The following CPS1 variants were observed in gnomAD, a reference collection of about 807,000 sequenced individuals.
The protein encoded by CPS1 is carbamoyl-phosphate synthase 1.
A neutral mutation model predicts 174.6 loss-of-function variants in CPS1; 109 were observed. The ratio of observed to expected loss-of-function variants is 0.62; its 90% CI spans 0.53 to 0.73. CPS1 has a LOEUF of 0.73. Among genes scored for constraint, CPS1 ranks in the 30% least tolerant of loss-of-function variants. CPS1 has a pLI of 0.00. For missense variants in CPS1, 1,689 were observed against 1,821.9 expected, an observed-to-expected ratio of 0.93 and a Z score of 1.33; for synonymous variants, 637 against 632.0, an observed-to-expected ratio of 1.01 and a Z score of -0.12.
rs143331350 is a variant in CPS1, at chr2:210,594,067, C to A, written c.1165-441C>A. On this transcript the variant is annotated intron_variant, in intron 11 of 37. Transcript: ENST00000233072. Reference sequence around the variant, plus strand: ...ATCTAGTGAAACAACAGAAGTAAATCCTTTGGCAAAGATTAAGAATAATCT... The same window carrying A: ...ATCTAGTGAAACAACAGAAGTAAATACTTTGGCAAAGATTAAGAATAATCT... Among the ~76,000 whole-genome samples, 51 of 151,630 alleles carry A rather than the reference C, an allele frequency of 3.4e-4. No homozygotes were observed. In the East Asian group the frequency reaches 8.4e-3, roughly 25 times the overall value.
At chr2:210,635,993 G>A (rs1700032563) in intron 21 of CPS1, among the ~76,000 whole-genome samples, 1 of 152,144 alleles carries the variant, frequency 6.6e-6, no homozygotes, top group Non-Finnish European at 1.5e-5. Context: ...AATTAAAGCA[G>A]ATTCATGATT....
intron 4 of CPS1, 61 bp downstream of exon 4, chr2:210,577,571 T>A: frequency 2.5e-6 from 3 of 1,205,744 alleles, no homozygotes; most frequent in Non-Finnish European, 3.7e-6. Context: ...TGCCTGTAGA[T>A]TCAGAAGTGC....
chr2:210,555,022 C>T (rs144672741), upstream of CPS1, among the ~76,000 whole-genome samples: 497 of 152,000 alleles, frequency 3.3e-3, 2 homozygotes, highest in Non-Finnish European at 6.1e-3. Context: ...ACACAAATTT[C>T]GCCTTTATTT....
intron 1 of CPS1, among the ~76,000 whole-genome samples, chr2:210,572,561 C>T (rs1697536740): frequency 6.6e-6 from 1 of 151,918 alleles, no homozygotes; most frequent in Non-Finnish European, 1.5e-5. Context: ...CTCTTCTTAG[C>T]TAAGAATTTG....
chr2:210,674,836 A>G (rs1345465526), intron 34 of CPS1, 66 bp from the exon 35 acceptor site: 1 of 1,230,318 alleles, frequency 8.1e-7, no homozygotes, highest in Non-Finnish European at 1.2e-6. Context: ...TTGTAAGGAA[A>G]TACCATATTG....
intron 4 of CPS1, 52 bp downstream of exon 4, chr2:210,577,562 G>A: frequency 7.5e-7 from 1 of 1,341,726 alleles, no homozygotes; most frequent in Non-Finnish European, 1.1e-6. Context: ...TTGAGAAGGT[G>A]CCTGTAGATT....
At chr2:210,502,483 AAG>A (rs199533346) in intron 1 of CPS1, among the ~76,000 whole-genome samples, 24 of 147,042 alleles carry the variant, frequency 1.6e-4, no homozygotes, top group East Asian at 9.8e-4. Flanking sequence ...TTATATATAA[AAG>A]AGATATAAAT....
chr2:210,587,153 A>G (rs1698138224), intron 6 of CPS1, among the ~76,000 whole-genome samples: 1 of 152,088 alleles, frequency 6.6e-6, no homozygotes, highest in Admixed American at 6.6e-5. Flanking sequence ...ACTACAGTCT[A>G]AGGATTATAA....
At position 210,582,825 on chromosome 2, in the gene CPS1, G is replaced by A. The variant is rs1186061347; in HGVS notation, c.621+116G>A. Reference sequence around the variant, plus strand: ...CTTCCAGAAGCACCAGTGTTCAGGGGTAGAAAGGGATCTCATAGCAGCTAA... The same window carrying A: ...CTTCCAGAAGCACCAGTGTTCAGGGATAGAAAGGGATCTCATAGCAGCTAA... On this transcript the variant is annotated intron_variant, in intron 6 of 37. Transcript: ENST00000233072. 6.1e-6 allele frequency: 5 copies of A among 818,878 alleles called. No homozygotes were observed. In the African/African-American group the frequency reaches 6.9e-5, roughly 11 times the overall value. The allele number at this position is 818,878 out of a possible 1,614,324, so 50.7% of individuals were successfully genotyped here.
At chr2:210,612,073 A>T (rs758669623) in intron 19 of CPS1, 44 bp from the exon 20 acceptor site, 18 of 1,559,766 alleles carry the variant, frequency 1.2e-5, no homozygotes, top group Non-Finnish European at 1.5e-5. Context: ...TTAAAGATAC[A>T]TAAGCTCTTT....
chr2:210,558,288 G>A (rs1420420163), intron 1 of CPS1, among the ~76,000 whole-genome samples: 1 of 151,976 alleles, frequency 6.6e-6, no homozygotes, highest in Non-Finnish European at 1.5e-5. Context: ...AAAATCATTA[G>A]GATGTAGTTA....
At chr2:210,576,201 T>C in intron 2 of CPS1, 145 bp from the exon 3 acceptor site, 1 of 948,306 alleles carries the variant, frequency 1.1e-6, no homozygotes, top group South Asian at 1.3e-5. Flanking sequence ...TGTCATAACA[T>C]TTCCCCAGGT....
chr2:210,477,738 A>G, exon 1 of CPS1: 1 of 1,613,078 alleles, frequency 6.2e-7, no homozygotes, highest in South Asian at 1.1e-5. Context: ...AACCTCATCA[A>G]ATTCATGAAG....
At chr2:210,672,919 C>T (rs559955124) in intron 34 of CPS1, 69 of 152,236 alleles carry the variant, frequency 4.5e-4, no homozygotes, top group African/African-American at 1.6e-3. Flanking sequence ...TGAACATAGT[C>T]TTTGGGGTCT....
At chr2:210,643,433 A>G (rs984445330) in intron 25 of CPS1, among the ~76,000 whole-genome samples, 1 of 152,148 alleles carries the variant, frequency 6.6e-6, no homozygotes, top group Admixed American at 6.5e-5. Context: ...TGTGGAAAAT[A>G]TGGTCAATTA....
rs11886625 is a variant in CPS1 at position 210,674,547 on chromosome 2, T to C, written c.4102-355T>C. 6,892 of 246,838 alleles carry C rather than the reference T, an allele frequency of 0.028. 383 individuals are homozygous for C. The highest frequency in any genetic ancestry group is 0.13 in the African/African-American group (5,581 of 44,136). The allele number at this position is 246,838 out of a possible 1,614,324, so 15.3% of individuals were successfully genotyped here. A position where few individuals can be genotyped will look rare whatever the true frequency, so the allele number is the denominator to read the frequency against. ...CAAAACAGCTAGCCTGACTCGGTACTGGCTCCTAACCCGCATATCTTTTAA... is the reference window on the plus strand; with the variant it reads ...CAAAACAGCTAGCCTGACTCGGTACCGGCTCCTAACCCGCATATCTTTTAA... On this transcript the variant is annotated intron_variant, in intron 34 of 37. Transcript: ENST00000233072.
At chr2:210,563,331 A>T (rs889357493) in intron 1 of CPS1, among the ~76,000 whole-genome samples, 1 of 152,166 alleles carries the variant, frequency 6.6e-6, no homozygotes, top group African/African-American at 2.4e-5. Context: ...AGCATAAGGA[A>T]GGATTCTTGC....
chr2:210,554,958 AG>A (rs1294011180), upstream of CPS1, among the ~76,000 whole-genome samples: 5 of 151,616 alleles, frequency 3.3e-5, no homozygotes, highest in Admixed American at 6.6e-5. Context: ...CTAGGTTGGG[AG>A]TTTTCCTTTT....
At chr2:210,620,266 A>C (rs1372687616) in intron 21 of CPS1, among the ~76,000 whole-genome samples, 1 of 152,156 alleles carries the variant, frequency 6.6e-6, no homozygotes, top group Admixed American at 6.5e-5. Flanking sequence ...TGGGGAAAAC[A>C]AAACAATGAT....
Sources: gnomAD v4.1 joint callset for allele counts (sites outside exome capture counted in the v4.1 genomes callset) on GRCh38, gnomAD v4.1.1 for gene constraint, MANE v1.5 for transcripts, NCBI Gene and HGNC (gene_info 2026-07-23, HGNC 2026-07-21) for gene names.